Variants in SLC6A16 observed in about 807,000 individuals in gnomAD.
SLC6A16 encodes the protein solute carrier family 6 member 16.
Under a neutral mutation model 65.4 loss-of-function variants are expected in SLC6A16, and 54 were observed. The observed-to-expected ratio is 0.83, with a 90% CI of 0.66 to 1.04. The LOEUF (loss-of-function observed/expected upper bound fraction) is 1.04. Ranked by LOEUF, SLC6A16 falls within the 50% of genes least tolerant of loss-of-function variation. The pLI, the probability that SLC6A16 is intolerant of heterozygous loss-of-function variation, is 0.00. For synonymous variants in SLC6A16, 330 were observed against 346.5 expected, an observed-to-expected ratio of 0.95 and a Z score of 0.53; for missense variants, 816 against 914.0, an observed-to-expected ratio of 0.89 and a Z score of 1.38.
At chr19:49,309,198 G>A (rs1970457157) in intron 6 of SLC6A16, 81 bp from the exon 7 acceptor site, 2 of 1,593,896 alleles carry the variant, frequency 1.3e-6, no homozygotes, top group Non-Finnish European at 1.7e-6. Flanking sequence ...GCAGGGAGGA[G>A]AGAGGGAGAT....
At chr19:49,327,022 GAAA>G, upstream of SLC6A16, among the ~76,000 whole-genome samples, 1 of 137,560 alleles carries the variant, frequency 7.3e-6, no homozygotes, top group East Asian at 2.1e-4. Context: ...CTGTCTCAAG[GAAA>G]AAAAAAAAAG....
In SLC6A16 at chr19:49,311,399, T is replaced by C. The variant is rs1416539835; in HGVS notation, c.-52A>G. On this transcript the variant is annotated 5_prime_UTR_variant, in exon 2 of 12. Coordinates refer to ENST00000335875, the MANE Select transcript of SLC6A16 (RefSeq NM_014037.3). The stretch of plus-strand genomic sequence containing the variant: ...CCGCTTCTGCAAGGGAGGGTTCATC[T>C]TCCTGAGGAGACCTGAAGGACACCA... The C allele has an allele frequency of 6.6e-7, 1 of 1,515,848 alleles. No individual in the cohort carries two copies. Among genetic ancestry groups the C allele is most frequent in the East Asian group, 2.3e-5 (1 of 43,872 alleles). 93.9% of individuals were successfully genotyped at this position (1,515,848 alleles called of 1,614,324 possible).
chr19:49,316,051 A>G (rs1406243645), intron 1 of SLC6A16, among the ~76,000 whole-genome samples: 1 of 152,206 alleles, frequency 6.6e-6, no homozygotes, highest in Non-Finnish European at 1.5e-5. Flanking sequence ...CAGATAAATT[A>G]TTTAAATTAA....
At chr19:49,310,841 A>T in intron 2 of SLC6A16, 92 bp downstream of exon 2, 1 of 1,014,698 alleles carries the variant, frequency 9.9e-7, no homozygotes, top group African/African-American at 1.6e-5. Flanking sequence ...TTTAGTCTCT[A>T]CATATCTCAG....
At chr19:49,338,112 C>T in the SLC6A16 span, 9 of 1,540,928 alleles carry the variant, frequency 5.8e-6, no homozygotes, top group Non-Finnish European at 7.9e-6. This position sits in a 1 kb window ranked among gnomAD's most constrained non-coding sequence, Gnocchi z 5.0. Context: ...AACGTGGGCC[C>T]GACCCCCAGC....
chr19:49,324,001 G>A (rs995586838), intron 1 of SLC6A16, among the ~76,000 whole-genome samples: 33 of 152,144 alleles, frequency 2.2e-4, no homozygotes, highest in Admixed American at 1.3e-4. Flanking sequence ...CTGGACTCCA[G>A]CCTGGGAGAC....
the SLC6A16 span, among the ~76,000 whole-genome samples, chr19:49,333,450 G>A: frequency 2.6e-5 from 4 of 152,338 alleles, no homozygotes; most frequent in Middle Eastern, 3.4e-3. Context: ...CAGCCTGGGC[G>A]AAGAGTGAGA....
chr19:49,326,526 G>A (rs1348671281), upstream of SLC6A16, among the ~76,000 whole-genome samples: 1 of 152,158 alleles, frequency 6.6e-6, no homozygotes, highest in Non-Finnish European at 1.5e-5. Context: ...AATTTTGGGG[G>A]TGCTGTAAGA....
chr19:49,293,075 G>C (rs1031126088), intron 10 of SLC6A16, 148 bp downstream of exon 10: 2 of 654,166 alleles, frequency 3.1e-6, no homozygotes, highest in Admixed American at 6.0e-5. Context: ...ATGTGAAAAT[G>C]GATGAATGAA....
At chr19:49,339,820 G>C in the SLC6A16 span, 1 of 1,343,838 alleles carries the variant, frequency 7.4e-7, no homozygotes, top group Non-Finnish European at 9.6e-7. This position sits in a 1 kb window ranked among gnomAD's most constrained non-coding sequence, Gnocchi z 4.5. Flanking sequence ...GGGCATGGCG[G>C]GTGCCTGCCC....
At chr19:49,305,592 C>CAAAA (rs566209079) in intron 7 of SLC6A16, among the ~76,000 whole-genome samples, 2 of 106,976 alleles carry the variant, frequency 1.9e-5, no homozygotes, top group Non-Finnish European at 1.9e-5. Flanking sequence ...AGATCTGTCT[C>CAAAA]AAAAAAAAAA....
chr19:49,299,766 T>A (rs1158531980), intron 7 of SLC6A16, among the ~76,000 whole-genome samples: 3 of 152,036 alleles, frequency 2.0e-5, no homozygotes, highest in Admixed American at 6.5e-5. Context: ...CTCACGCCTG[T>A]AATCCCAGCA....
In SLC6A16 at chr19:49,309,306, C is replaced by T; in HGVS notation, c.982G>A (p.Ala328Thr). Residue 328 changes from alanine (A) to threonine (T), a missense_variant, in exon 6 of 12, where the codon GCC (alanine) becomes ACC (threonine). Physicochemically the swap from Ala to Thr is moderately conservative, Grantham distance 58. Coordinates refer to ENST00000335875, the MANE Select transcript of SLC6A16 (RefSeq NM_014037.3). Reference sequence around the variant, plus strand: ...AGTGAGGAGATAGATTTCACCTTGGCAACCACCAACTGTTGAAGGCCAAAT... The same window carrying T: ...AGTGAGGAGATAGATTTCACCTTGGTAACCACCAACTGTTGAAGGCCAAAT... Reference protein sequence around the residue: ...AKFGLQQLVVAKISDVYNMSV... With the variant: ...AKFGLQQLVVTKISDVYNMSV... The T allele has an allele frequency of 6.2e-7, 1 of 1,611,470 alleles. No individual in the cohort carries two copies. Among genetic ancestry groups the T allele is most frequent in the Non-Finnish European group, 8.5e-7 (1 of 1,177,620 alleles).
rs1367961910 is a variant in SLC6A16, at chr19:49,310,170, G to A, written c.574-4C>T. ...ACAGGCCGAGGATGAAGCACACCTG[G>A]GGGCCAAGGAGGATATGGCTGGGGA... is the stretch of plus-strand genomic sequence containing the variant. On this transcript the variant is annotated splice_polypyrimidine_tract_variant and splice_region_variant and intron_variant, in intron 3 of 11. Transcript: ENST00000335875. 2.7e-5 allele frequency: 44 copies of A among 1,613,904 alleles called. No homozygotes were observed. Among genetic ancestry groups the A allele is most frequent in the Non-Finnish European group, 3.3e-5 (39 of 1,180,002 alleles).
Position 49,311,182 on chromosome 19 carries a change from C to T in SLC6A16, c.166G>A (p.Val56Ile), listed in dbSNP as rs1970514059. The T allele has an allele frequency of 3.7e-6, 6 of 1,614,024 alleles. No individual in the cohort carries two copies. Among genetic ancestry groups the T allele is most frequent in the Non-Finnish European group, 5.1e-6 (6 of 1,180,022 alleles). ...CTGGTCCTGGCCTGAGCCTCTGCAA[C>T]CCGGGCTGCTGAAACTTGGGCCTCT... ...TSEAQVSAAR[V>I]AEAQARTSQP... The change falls in exon 2 of 12, where the codon GTT (valine) becomes ATT (isoleucine). Residue 56 changes from valine (V) to isoleucine (I), a missense_variant. Val to Ile is a conservative substitution (Grantham distance 29). Coordinates refer to ENST00000335875, the MANE Select transcript of SLC6A16 (RefSeq NM_014037.3).
chr19:49,321,737 AAAACAAACAAAC>A (rs559089243), intron 1 of SLC6A16, among the ~76,000 whole-genome samples: 2 of 151,532 alleles, frequency 1.3e-5, no homozygotes, highest in East Asian at 1.9e-4. Context: ...CTCCATCTCA[AAAACAAACAAAC>A]AAACAAACAA....
intron 1 of SLC6A16, chr19:49,312,434 T>C (rs1381551601): frequency 6.7e-6 from 3 of 451,052 alleles, no homozygotes; most frequent in East Asian, 3.1e-4. Flanking sequence ...CTCCTGACTT[T>C]ATTATCTATT....
At chr19:49,312,194 T>G (rs912485317) in intron 1 of SLC6A16, among the ~76,000 whole-genome samples, 1 of 152,118 alleles carries the variant, frequency 6.6e-6, no homozygotes, top group African/African-American at 2.4e-5. Context: ...GAAGTACTAT[T>G]TACAGAGGGC....
rs367802300 is a variant in SLC6A16, at chr19:49,304,800, A to C, written c.1229+4076T>G. 2.6e-4 allele frequency among the ~76,000 whole-genome samples: 40 copies of C among 152,368 alleles called. 1 individual carries two copies. In the South Asian group the frequency reaches 8.3e-3, roughly 32 times the overall value. On this transcript the variant is annotated intron_variant, in intron 7 of 11. Coordinates refer to ENST00000335875, the MANE Select transcript of SLC6A16 (RefSeq NM_014037.3). ...AGAACTCCATAGAAAAAGATAGATC[A>C]TCCAATATTTTTTTTAAAATGGGCA...
Sources: gnomAD v4.1 joint callset for allele counts (sites outside exome capture counted in the v4.1 genomes callset) on GRCh38, gnomAD v4.1.1 for gene constraint, Gnocchi (gnomAD v3.1) non-coding constraint, MANE v1.5 for transcripts, NCBI Gene and HGNC (gene_info 2026-07-23, HGNC 2026-07-21) for gene names.